Variants in IRAK2 observed in about 807,000 individuals in gnomAD.
IRAK2 encodes interleukin 1 receptor associated kinase 2.
A neutral mutation model predicts 72.0 loss-of-function variants in IRAK2; 57 were observed. The ratio of observed to expected loss-of-function variants is 0.79; its 90% CI spans 0.64 to 0.99. The LOEUF is 0.99. Among genes scored for constraint, IRAK2 ranks in the 50% least tolerant of loss-of-function variants. IRAK2 has a pLI of 0.00. For missense variants in IRAK2, 790 were observed against 794.4 expected (o/e 0.99, Z 0.07); for synonymous variants, 293 against 312.7 (o/e 0.94, Z 0.67).
intron 7 of IRAK2, among the ~76,000 whole-genome samples, 170 bp downstream of exon 7, chr3:10,217,218 A>C (rs1325033030): frequency 1.3e-5 from 2 of 152,224 alleles, no homozygotes; most frequent in African/African-American, 2.4e-5. Flanking sequence ...TTAAGTGCTC[A>C]CTTTGGCAGC....
chr3:10,180,307 AG>A (rs1056077813), intron 2 of IRAK2, among the ~76,000 whole-genome samples: 13 of 152,292 alleles, frequency 8.5e-5, no homozygotes, highest in African/African-American at 2.9e-4. Context: ...AATACAGCAC[AG>A]GCAATGTGAC....
At chr3:10,221,796 G>A (rs146965739) in intron 8 of IRAK2, among the ~76,000 whole-genome samples, 1 of 152,234 alleles carries the variant, frequency 6.6e-6, no homozygotes, top group Non-Finnish European at 1.5e-5. Flanking sequence ...CAAAGTGTTG[G>A]GATTACAGGC....
chr3:10,168,997 T>C (rs1696747854), intron 1 of IRAK2, among the ~76,000 whole-genome samples: 1 of 152,080 alleles, frequency 6.6e-6, no homozygotes. Flanking sequence ...TGTCGGCCGG[T>C]CTGAGAAATA....
At chr3:10,202,762 G>C (rs1272241377) in intron 3 of IRAK2, among the ~76,000 whole-genome samples, 1 of 138,558 alleles carries the variant, frequency 7.2e-6, no homozygotes, top group African/African-American at 2.7e-5. Context: ...CACGGTCATA[G>C]CTCACTGCAG....
At chr3:10,186,890 C>A (rs1351275988) in intron 2 of IRAK2, among the ~76,000 whole-genome samples, 1 of 145,070 alleles carries the variant, frequency 6.9e-6, no homozygotes, top group African/African-American at 2.6e-5. Context: ...GTTTTGAACT[C>A]TTGTGCTCAA....
intron 1 of IRAK2, among the ~76,000 whole-genome samples, chr3:10,168,839 C>T (rs1696745732): frequency 6.6e-6 from 1 of 152,190 alleles, no homozygotes; most frequent in East Asian, 1.9e-4. Flanking sequence ...GGTGCTGTTC[C>T]CTCTGCCTGG....
At chr3:10,228,037 T>C (rs1437534008) in intron 10 of IRAK2, among the ~76,000 whole-genome samples, 1 of 151,986 alleles carries the variant, frequency 6.6e-6, no homozygotes, top group Non-Finnish European at 1.5e-5. Context: ...CATTTACAGC[T>C]GAGAAAACTG....
intron 4 of IRAK2, among the ~76,000 whole-genome samples, chr3:10,212,632 T>G (rs1373708333): frequency 6.6e-6 from 1 of 152,162 alleles, no homozygotes; most frequent in Non-Finnish European, 1.5e-5. Flanking sequence ...AAATTACTCT[T>G]CGGGGTACTA....
chr3:10,164,920 G>A lies in IRAK2; in HGVS notation c.-35G>A, dbSNP rs1316453308. On this transcript the variant is annotated 5_prime_UTR_variant, in exon 1 of 13. Transcript: ENST00000256458. ...GCCGCAGCCCGCAGTGTCCGACCCA[G>A]TCGTCCCGCGCCGGAGCCGGCCCCG... 1 of 1,443,686 alleles carries A rather than the reference G, an allele frequency of 6.9e-7. No individual in the cohort carries two copies. Among genetic ancestry groups the A allele is most frequent in the South Asian group, 1.2e-5 (1 of 84,200 alleles). 89.4% of individuals were successfully genotyped at this position (1,443,686 alleles called of 1,614,324 possible).
chr3:10,214,581 C>T (rs2125156681), intron 6 of IRAK2, among the ~76,000 whole-genome samples: 1 of 150,340 alleles, frequency 6.7e-6, no homozygotes, highest in African/African-American at 2.4e-5. Flanking sequence ...AACACTTGTG[C>T]CTTATATTGT....
intron 2 of IRAK2, among the ~76,000 whole-genome samples, chr3:10,192,975 G>A (rs1040644957): frequency 3.6e-5 from 5 of 139,914 alleles, no homozygotes; most frequent in Admixed American, 6.9e-5. Context: ...GGCTGGTCTC[G>A]GGTCGGGGGT....
intron 4 of IRAK2, 139 bp downstream of exon 4, chr3:10,209,831 G>T (rs1024501009): frequency 6.4e-6 from 3 of 472,332 alleles, no homozygotes; most frequent in Non-Finnish European, 1.1e-5. Context: ...ATTACCCCAA[G>T]CTTCTAAGAC....
At chr3:10,207,489 C>A (rs1054302069) in intron 3 of IRAK2, among the ~76,000 whole-genome samples, 7 of 152,112 alleles carry the variant, frequency 4.6e-5, no homozygotes, top group African/African-American at 1.7e-4. Flanking sequence ...TGCTTCTGTG[C>A]GGACCAGCCA....
chr3:10,221,069 GCGGGCGTGCACACA>G (rs1236462244), intron 8 of IRAK2, among the ~76,000 whole-genome samples: 1 of 151,486 alleles, frequency 6.6e-6, no homozygotes, highest in African/African-American at 2.4e-5. Flanking sequence ...CCGTGCATTT[GCGGGCGTGCACACA>G]CACACACGCT....
chr3:10,190,578 A>G, intron 2 of IRAK2, among the ~76,000 whole-genome samples: 1 of 152,156 alleles, frequency 6.6e-6, no homozygotes, highest in Admixed American at 6.6e-5. Flanking sequence ...TGGTGTTAGA[A>G]TGAACAGAGT....
Position 10,213,410 on chromosome 3 carries a change from T to C in IRAK2, c.723+9T>C. On this transcript the variant is annotated intron_variant, in intron 5 of 12. Transcript: ENST00000256458. ...TCAAGAAGCTCAGAGAGGTGAGCAC[T>C]TCTTGGTTTCTAGTGGGGGTGGAGG... 1 of 1,613,914 alleles carries C rather than the reference T, an allele frequency of 6.2e-7. No homozygotes were observed. The highest frequency in any genetic ancestry group is 8.5e-7 in the Non-Finnish European group (1 of 1,179,880).
intron 1 of IRAK2, among the ~76,000 whole-genome samples, chr3:10,167,141 C>T (rs966986725): frequency 1.3e-5 from 2 of 152,284 alleles, no homozygotes; most frequent in South Asian, 4.1e-4. Context: ...ACCATACAAT[C>T]CACCTGTTTC....
intron 9 of IRAK2, among the ~76,000 whole-genome samples, chr3:10,223,063 T>C (rs1364706153): frequency 6.6e-6 from 1 of 152,180 alleles, no homozygotes; most frequent in Non-Finnish European, 1.5e-5. Context: ...ACACAAAGAA[T>C]ATGTGATAGA....
chr3:10,234,774 C>G, intron 11 of IRAK2, 115 bp downstream of exon 11: 1 of 903,400 alleles, frequency 1.1e-6, no homozygotes, highest in Non-Finnish European at 1.7e-6. Context: ...TGCTTGCAAG[C>G]CGCAGAACCT....
Sources: allele counts gnomAD v4.1 joint callset (sites outside exome capture counted in the v4.1 genomes callset), GRCh38; gene constraint gnomAD v4.1.1; transcripts MANE v1.5; gene names NCBI Gene and HGNC (gene_info 2026-07-23, HGNC 2026-07-21).